SYNDIG1L: variants seen among roughly 807,000 people sequenced by gnomAD.
The protein encoded by SYNDIG1L is synapse differentiation inducing 1 like, also known as synapse differentiation-inducing gene protein 1-like.
In SYNDIG1L, 13 loss-of-function variants were observed where a neutral mutation model predicts 20.1. That is an observed-to-expected ratio of 0.65 (90% CI 0.42 to 1.03). The LOEUF (loss-of-function observed/expected upper bound fraction) is 1.03, where lower values mean the gene tolerates loss of function less well. Ranked by LOEUF, SYNDIG1L falls within the 50% of genes least tolerant of loss-of-function variation. The pLI, the probability that SYNDIG1L is intolerant of heterozygous loss-of-function variation, is 0.00. For synonymous variants in SYNDIG1L, 128 were observed against 129.3 expected (o/e 0.99, Z 0.07); for missense variants, 294 against 305.1 (o/e 0.96, Z 0.27).
the SYNDIG1L span, among the ~76,000 whole-genome samples, chr14:74,467,745 C>T: frequency 7.2e-5 from 11 of 152,132 alleles, no homozygotes; most frequent in Non-Finnish European, 1.0e-4. Context: ...TTGAAAGGGG[C>T]TGATGGGGGG....
At chr14:74,451,585 G>A in the SYNDIG1L span, among the ~76,000 whole-genome samples, 1 of 152,182 alleles carries the variant, frequency 6.6e-6, no homozygotes, top group East Asian at 1.9e-4. Flanking sequence ...TGCATCAAAA[G>A]TAAACCTTCT....
chr14:74,407,771 C>T, intron 3 of SYNDIG1L, 78 bp from the exon 4 acceptor site: 1 of 1,576,488 alleles, frequency 6.3e-7, no homozygotes. Flanking sequence ...GCCCCTGACC[C>T]CATCCTGCAG....
chr14:74,461,979 G>T, the SYNDIG1L span, among the ~76,000 whole-genome samples: 1 of 139,118 alleles, frequency 7.2e-6, no homozygotes, highest in East Asian at 2.1e-4. Context: ...CCAGCTACTC[G>T]GGTGGCTGAG....
chr14:74,444,102 T>C, the SYNDIG1L span, among the ~76,000 whole-genome samples: 1 of 152,164 alleles, frequency 6.6e-6, no homozygotes, highest in Non-Finnish European at 1.5e-5. Context: ...AGTCTCATTC[T>C]TGTTGCCCAG....
intron 1 of SYNDIG1L, among the ~76,000 whole-genome samples, chr14:74,425,366 C>T (rs1002367213): frequency 6.6e-6 from 1 of 152,236 alleles, no homozygotes; most frequent in African/African-American, 2.4e-5. Context: ...CTTCCAGGAC[C>T]TCCTTCCTTC....
chr14:74,472,920 G>C, the SYNDIG1L span, among the ~76,000 whole-genome samples: 448 of 152,266 alleles, frequency 2.9e-3, 1 homozygote, highest in African/African-American at 0.01. Flanking sequence ...GTCAGAGGAG[G>C]GGGGCGGAAT....
chr14:74,420,264 C>T (rs1459812682), intron 1 of SYNDIG1L, among the ~76,000 whole-genome samples: 2 of 151,628 alleles, frequency 1.3e-5, no homozygotes, highest in African/African-American at 4.9e-5. Context: ...GGTGTGGTGG[C>T]GTGCACCTGT....
the SYNDIG1L span, among the ~76,000 whole-genome samples, chr14:74,435,419 C>A: frequency 6.6e-6 from 1 of 152,212 alleles, no homozygotes; most frequent in African/African-American, 2.4e-5. Flanking sequence ...CTTCAAGAAT[C>A]TTCTGTAGAA....
the SYNDIG1L span, among the ~76,000 whole-genome samples, chr14:74,440,377 G>A: frequency 6.6e-6 from 1 of 152,328 alleles, no homozygotes; most frequent in East Asian, 1.9e-4. Flanking sequence ...AGCCGGGCGT[G>A]GTTGCAGGGG....
At chr14:74,466,690 C>G in the SYNDIG1L span, among the ~76,000 whole-genome samples, 1 of 152,160 alleles carries the variant, frequency 6.6e-6, no homozygotes, top group Non-Finnish European at 1.5e-5. Context: ...GCTTCCATCA[C>G]GGCTGCTCAT....
At chr14:74,424,370 T>C (rs2086248740) in intron 1 of SYNDIG1L, among the ~76,000 whole-genome samples, 1 of 152,142 alleles carries the variant, frequency 6.6e-6, no homozygotes, top group African/African-American at 2.4e-5. Flanking sequence ...CACTTTAACA[T>C]TTCATTCCCT....
At position 74,408,792 on chromosome 14, in the gene SYNDIG1L, TG is replaced by T. The variant is rs376072456; in HGVS notation, c.417+535del. On this transcript the variant is annotated intron_variant, in intron 2 of 3. Coordinates refer to ENST00000331628, the MANE Select transcript of SYNDIG1L (RefSeq NM_001105579.2). Reference sequence around the variant, plus strand: ...TTCTGGGGAGTGGGCTGGGGGAAAATGTGAATAAGAGACTTACACAATCATC... The same window carrying T: ...TTCTGGGGAGTGGGCTGGGGGAAAATTGAATAAGAGACTTACACAATCATC... Among the ~76,000 whole-genome samples the T allele has an allele frequency of 2.3e-4, 35 of 152,176 alleles. No homozygotes were observed. The East Asian group carries it at 5.8e-3, about 25-fold the overall frequency.
intron 1 of SYNDIG1L, among the ~76,000 whole-genome samples, chr14:74,419,369 A>G (rs1184091452): frequency 6.6e-6 from 1 of 152,210 alleles, no homozygotes; most frequent in Non-Finnish European, 1.5e-5. Context: ...TGCGTGGCAT[A>G]TACTAGGCAC....
chr14:74,453,389 AAAG>A, the SYNDIG1L span, among the ~76,000 whole-genome samples: 390 of 64,154 alleles, frequency 6.1e-3, 47 homozygotes, highest in Non-Finnish European at 7.8e-3. Context: ...AAAAAAAAAA[AAAG>A]AAGAAGAAGA....
At chr14:74,443,396 G>A in the SYNDIG1L span, among the ~76,000 whole-genome samples, 2 of 152,210 alleles carry the variant, frequency 1.3e-5, no homozygotes, top group Admixed American at 6.5e-5. Flanking sequence ...TGACCTTAGC[G>A]AGAACTGTGG....
the SYNDIG1L span, among the ~76,000 whole-genome samples, chr14:74,435,206 T>C: frequency 6.6e-6 from 1 of 152,100 alleles, no homozygotes. Flanking sequence ...AGTACTTCTT[T>C]GGGCTGTAGC....
the SYNDIG1L span, among the ~76,000 whole-genome samples, chr14:74,450,988 A>G: frequency 6.6e-6 from 1 of 152,204 alleles, no homozygotes; most frequent in African/African-American, 2.4e-5. Flanking sequence ...CATTGTTTAG[A>G]TGTCAGTATC....
rs1212572069 is a variant in SYNDIG1L at position 74,409,487 on chromosome 14, G to A, written c.258C>T (p.Ser86=). ...TGTCCTCTGTGAAGCTTGTCTCACAGCTGCCTGCCCTGGGCTCCTTGACCT... is the reference window on the plus strand; with the variant it reads ...TGTCCTCTGTGAAGCTTGTCTCACAACTGCCTGCCCTGGGCTCCTTGACCT... ...RDKVKEPRAG[S]CETSFTEDRE... is the part of the protein sequence containing the mutation. Residue 86 remains serine, a synonymous_variant, in exon 2 of 4, where the codon AGC becomes AGT. Transcript: ENST00000331628. 1 of 1,613,040 alleles carries A rather than the reference G, an allele frequency of 6.2e-7. No homozygotes were observed. The highest frequency in any genetic ancestry group is 8.5e-7 in the Non-Finnish European group (1 of 1,179,560).
intron 1 of SYNDIG1L, among the ~76,000 whole-genome samples, chr14:74,416,645 C>A (rs1417451592): frequency 1.4e-5 from 2 of 147,052 alleles, no homozygotes; most frequent in African/African-American, 5.3e-5. Flanking sequence ...AAAACAAAAA[C>A]AAACCAAACA....
Sources: gnomAD v4.1 joint callset for allele counts (sites outside exome capture counted in the v4.1 genomes callset) on GRCh38, gnomAD v4.1.1 for gene constraint, MANE v1.5 for transcripts, NCBI Gene and HGNC (gene_info 2026-07-23, HGNC 2026-07-21) for gene names.